FAF1: variants seen among roughly 807,000 people sequenced by gnomAD.
FAF1 encodes Fas associated factor 1, also known as FAS-associated factor 1.
Under a neutral mutation model 92.5 loss-of-function variants are expected in FAF1, and 25 were observed. That is an observed-to-expected ratio of 0.27 (90% confidence interval 0.20 to 0.38). The LOEUF (loss-of-function observed/expected upper bound fraction) is 0.38, where lower values mean the gene tolerates loss of function less well. FAF1 is among the 10% of genes least tolerant of loss of function. FAF1 has a pLI of 1.00. For missense variants in FAF1, 636 were observed against 793.3 expected (o/e 0.80, Z 2.38); for synonymous variants, 234 against 273.2 (o/e 0.86, Z 1.42).
rs1646797345 is a variant in FAF1, at chr1:50,488,871, AT to A, written c.1653+1716del. Among the ~76,000 whole-genome samples the A allele has an allele frequency of 2.0e-5, 3 of 152,196 alleles. No homozygotes were observed. The East Asian group carries it at 5.8e-4, about 29-fold the overall frequency. On this transcript the variant is annotated intron_variant, in intron 17 of 18. Coordinates refer to ENST00000396153, the MANE Select transcript of FAF1 (RefSeq NM_007051.3). Reference sequence around the variant, plus strand: ...ATACACAGAAGACATTCAACAAAATATTTTCTACCTTCCATTATTGACAGTC... The same window carrying A: ...ATACACAGAAGACATTCAACAAAATATTTCTACCTTCCATTATTGACAGTC...
chr1:50,780,320 AG>A (rs1023809795), intron 4 of FAF1: 1 of 153,172 alleles, frequency 6.5e-6, no homozygotes, highest in African/African-American at 2.4e-5. Flanking sequence ...CAGGTGTGAG[AG>A]GGTCCAGCAG....
intron 1 of FAF1, among the ~76,000 whole-genome samples, chr1:50,915,372 A>G (rs1644912722): frequency 6.8e-6 from 1 of 147,282 alleles, no homozygotes; most frequent in African/African-American, 2.5e-5. Flanking sequence ...CTCCATCTCA[A>G]AAAAAAAAAA....
At chr1:50,509,820 C>T (rs1344578555) in intron 15 of FAF1, among the ~76,000 whole-genome samples, 7 of 151,800 alleles carry the variant, frequency 4.6e-5, no homozygotes, top group Non-Finnish European at 8.8e-5. Flanking sequence ...AATTTCTGTG[C>T]CCTTGGGCAA....
At chr1:50,660,271 T>C (rs141957225) in intron 7 of FAF1, among the ~76,000 whole-genome samples, 88 of 152,334 alleles carry the variant, frequency 5.8e-4, no homozygotes, top group Non-Finnish European at 1.0e-3. Context: ...TAGCCTCAAA[T>C]GAGTTGTTCT....
At chr1:50,954,493 T>A (rs1316593002) in intron 1 of FAF1, among the ~76,000 whole-genome samples, 2 of 151,224 alleles carry the variant, frequency 1.3e-5, no homozygotes, top group East Asian at 3.9e-4. Context: ...CTGGAAAACG[T>A]AACAAGACCC....
chr1:50,541,596 T>C (rs1648760165), intron 13 of FAF1, among the ~76,000 whole-genome samples: 1 of 152,192 alleles, frequency 6.6e-6, no homozygotes, highest in Non-Finnish European at 1.5e-5. Flanking sequence ...ATAGTTGGAA[T>C]GTCATTTCCC....
chr1:50,930,730 G>A (rs956470255), intron 1 of FAF1, among the ~76,000 whole-genome samples: 3 of 152,100 alleles, frequency 2.0e-5, no homozygotes, highest in Non-Finnish European at 4.4e-5. Flanking sequence ...AGCTACTCGG[G>A]AGGTGGAGCT....
At chr1:50,938,707 G>A (rs1645106607) in intron 1 of FAF1, among the ~76,000 whole-genome samples, 1 of 152,146 alleles carries the variant, frequency 6.6e-6, no homozygotes, top group South Asian at 2.1e-4. Context: ...TTCCTGGTTT[G>A]AGGTCTTTCA....
At chr1:50,813,457 C>G (rs1643936239) in intron 2 of FAF1, among the ~76,000 whole-genome samples, 2 of 151,960 alleles carry the variant, frequency 1.3e-5, no homozygotes. Flanking sequence ...TTTATGCTTT[C>G]CTTTTAAAAA....
intron 15 of FAF1, among the ~76,000 whole-genome samples, chr1:50,523,867 C>A (rs1342392132): frequency 6.6e-6 from 1 of 152,134 alleles, no homozygotes; most frequent in African/African-American, 2.4e-5. Flanking sequence ...ATGCAAGTGT[C>A]TTTATAACAG....
intron 7 of FAF1, among the ~76,000 whole-genome samples, chr1:50,669,458 T>C (rs1324310547): frequency 2.6e-5 from 4 of 152,172 alleles, no homozygotes; most frequent in South Asian, 4.1e-4. Flanking sequence ...TTTGACTGTA[T>C]TGATCACAGA....
At chr1:50,744,416 AGGGCC>A (rs1456717078) in intron 5 of FAF1, among the ~76,000 whole-genome samples, 2 of 152,226 alleles carry the variant, frequency 1.3e-5, no homozygotes, top group African/African-American at 4.8e-5. Context: ...TCTCAAAAAA[AGGGCC>A]AAACTCCTTT....
At chr1:50,808,384 T>C (rs747289577) in intron 2 of FAF1, among the ~76,000 whole-genome samples, 80 of 152,132 alleles carry the variant, frequency 5.3e-4, no homozygotes, top group Non-Finnish European at 8.7e-4. Context: ...AACAACAAGA[T>C]GACAGGATAA....
intron 1 of FAF1, among the ~76,000 whole-genome samples, chr1:50,920,850 A>G (rs966128231): frequency 2.0e-5 from 3 of 152,212 alleles, no homozygotes; most frequent in African/African-American, 4.8e-5. Flanking sequence ...AAGATTAGGA[A>G]AAAGGTAAGA....
chr1:50,474,624 C>T (rs1029566114), intron 18 of FAF1, among the ~76,000 whole-genome samples: 2 of 152,044 alleles, frequency 1.3e-5, no homozygotes, highest in Non-Finnish European at 2.9e-5. Context: ...AGCCACAACG[C>T]GTTATTAACG....
At chr1:50,604,577 G>C (rs1652291284) in intron 8 of FAF1, among the ~76,000 whole-genome samples, 1 of 151,916 alleles carries the variant, frequency 6.6e-6, no homozygotes, top group Admixed American at 6.6e-5. Flanking sequence ...GTACAATCAC[G>C]GCCGACTGCC....
intron 15 of FAF1, among the ~76,000 whole-genome samples, chr1:50,497,516 T>G (rs1270076179): frequency 6.7e-6 from 1 of 149,716 alleles, no homozygotes; most frequent in African/African-American, 2.4e-5. Context: ...ATAGGTAAAT[T>G]AATAGACTTT....
chr1:50,852,948 A>C (rs1553146648), intron 2 of FAF1, among the ~76,000 whole-genome samples: 1 of 152,190 alleles, frequency 6.6e-6, no homozygotes, highest in Non-Finnish European at 1.5e-5. Flanking sequence ...AAAGAAGCAG[A>C]AATTGATATG....
intron 5 of FAF1, among the ~76,000 whole-genome samples, chr1:50,741,438 T>G (rs1659384781): frequency 6.6e-6 from 1 of 152,246 alleles, no homozygotes; most frequent in Non-Finnish European, 1.5e-5. Context: ...GTAGTCTGAA[T>G]TTTATTTGAA....
Sources: allele counts gnomAD v4.1 joint callset (sites outside exome capture counted in the v4.1 genomes callset), GRCh38; gene constraint gnomAD v4.1.1; transcripts MANE v1.5; gene names NCBI Gene and HGNC (gene_info 2026-07-23, HGNC 2026-07-21).